The following ADGRB3 variants were observed in gnomAD, a reference collection of about 807,000 sequenced individuals.
ADGRB3 encodes adhesion G protein-coupled receptor B3, also known as brain-specific angiogenesis inhibitor 3.
ADGRB3 carries 37 observed loss-of-function variants against 193.4 expected under a neutral mutation model. That is an observed-to-expected ratio of 0.19 (90% CI 0.15 to 0.25). The LOEUF is 0.25. Among genes scored for constraint, ADGRB3 ranks in the 10% least tolerant of loss-of-function variants. ADGRB3 has a pLI of 1.00. For synonymous variants in ADGRB3, 690 were observed against 644.2 expected (o/e 1.07, Z -1.08); for missense variants, 1,637 against 1,852.9 (o/e 0.88, Z 2.14).
At chr6:69,372,247 T>C (rs1769721213) in intron 29 of ADGRB3, among the ~76,000 whole-genome samples, 159 bp from the exon 30 acceptor site, 1 of 152,046 alleles carries the variant, frequency 6.6e-6, no homozygotes, top group Non-Finnish European at 1.5e-5. Flanking sequence ...ATAAAATTTT[T>C]CATGATTCAT....
In ADGRB3 at chr6:68,636,441, G is replaced by GAGAT. The variant is rs1023666213; in HGVS notation, c.-188+443_-188+446dup. Among the ~76,000 whole-genome samples the GAGAT allele has an allele frequency of 4.5e-4, 45 of 100,874 alleles. No individual in the cohort carries two copies. In the East Asian group the frequency reaches 0.014, roughly 32 times the overall value. The allele number at this position is 100,874 out of a possible 152,430, so 66.2% of individuals were successfully genotyped here. On this transcript the variant is annotated intron_variant, in intron 1 of 31. Coordinates refer to ENST00000370598, the MANE Select transcript of ADGRB3 (RefSeq NM_001704.3). ...TCAATGCTGGTTTGCTTCTCAGCAA[G>GAGAT]AGATAAATAAATAAATAAATAAATA...
rs895916578 is a variant in ADGRB3, at chr6:69,178,081, C to T, written c.2481-55209C>T. On this transcript the variant is annotated intron_variant, in intron 17 of 31. Transcript: ENST00000370598. Reference sequence around the variant, plus strand: ...ATTTTATGGCTGTCTTTTCACAGGTCTAGAAGTACTTGTTTTATGAATCTG... The same window carrying T: ...ATTTTATGGCTGTCTTTTCACAGGTTTAGAAGTACTTGTTTTATGAATCTG... 5.9e-5 allele frequency among the ~76,000 whole-genome samples: 9 copies of T among 152,110 alleles called. No individual in the cohort carries two copies. In the East Asian group the frequency reaches 1.7e-3, roughly 29 times the overall value.
At chr6:69,002,151 C>G (rs1769597178) in intron 11 of ADGRB3, among the ~76,000 whole-genome samples, 1 of 151,484 alleles carries the variant, frequency 6.6e-6, no homozygotes, top group Non-Finnish European at 1.5e-5. Context: ...AACGAATGAT[C>G]AGAGGTAGGT....
chr6:69,383,467 CTT>C (rs1328712179), intron 31 of ADGRB3, among the ~76,000 whole-genome samples: 4 of 151,952 alleles, frequency 2.6e-5, no homozygotes, highest in Non-Finnish European at 5.9e-5. Context: ...TTATTATAAT[CTT>C]AGTACAGGAC....
chr6:69,266,637 T>C (rs1304330509), intron 20 of ADGRB3, among the ~76,000 whole-genome samples: 4 of 152,084 alleles, frequency 2.6e-5, no homozygotes, highest in African/African-American at 9.7e-5. Flanking sequence ...ACTTCACATA[T>C]CTGTATGTGT....
intron 3 of ADGRB3, among the ~76,000 whole-genome samples, chr6:68,821,090 A>G (rs563379044): frequency 6.6e-6 from 1 of 152,140 alleles, no homozygotes; most frequent in Admixed American, 6.6e-5. Context: ...AAACTTCAGA[A>G]AACAAGGATT....
chr6:69,158,325 C>G (rs1774900007), intron 17 of ADGRB3, among the ~76,000 whole-genome samples: 1 of 151,808 alleles, frequency 6.6e-6, no homozygotes, highest in Non-Finnish European at 1.5e-5. Flanking sequence ...CATCTTCCTT[C>G]CCCCATCTCT....
chr6:68,860,995 A>T (rs1358559499), intron 3 of ADGRB3, among the ~76,000 whole-genome samples: 1 of 152,158 alleles, frequency 6.6e-6, no homozygotes. Flanking sequence ...TTTCAGACTC[A>T]TTGCATTTAA....
intron 20 of ADGRB3, among the ~76,000 whole-genome samples, chr6:69,281,265 A>G (rs930405328): frequency 2.0e-5 from 3 of 152,198 alleles, no homozygotes; most frequent in African/African-American, 7.2e-5. Context: ...ACAGGGATAG[A>G]CTATCAGGCT....
intron 13 of ADGRB3, among the ~76,000 whole-genome samples, chr6:69,028,654 T>C (rs1288405382): frequency 6.6e-6 from 1 of 152,178 alleles, no homozygotes; most frequent in Non-Finnish European, 1.5e-5. Context: ...ATTCATGGTG[T>C]CACTATTAAA....
At chr6:69,170,938 A>T (rs955003107) in intron 17 of ADGRB3, among the ~76,000 whole-genome samples, 1 of 152,216 alleles carries the variant, frequency 6.6e-6, no homozygotes, top group Admixed American at 6.5e-5. Context: ...CTGAAATATA[A>T]TGTAAGCTAC....
chr6:69,372,393 AT>A lies in ADGRB3; in HGVS notation c.4240-12del, dbSNP rs1769725836. The A allele has an allele frequency of 2.2e-6, 3 of 1,339,336 alleles. No individual in the cohort carries two copies. Among genetic ancestry groups the A allele is most frequent in the African/African-American group, 3.0e-5 (2 of 66,728 alleles). 83.0% of individuals were successfully genotyped at this position (1,339,336 alleles called of 1,614,324 possible). On this transcript the variant is annotated splice_polypyrimidine_tract_variant and intron_variant, in intron 29 of 31. Coordinates refer to ENST00000370598, the MANE Select transcript of ADGRB3 (RefSeq NM_001704.3). ...TTGGTTTTTCTCCTTCTTTTTAAAA[AT>A]ATATCTTACAGAGAAGAAAATCACG...
chr6:68,694,115 C>G lies in ADGRB3; in HGVS notation c.757+54683C>G, dbSNP rs1028135080. 2.6e-5 allele frequency among the ~76,000 whole-genome samples: 4 copies of G among 151,922 alleles called. No homozygotes were observed. The Admixed American group carries it at 2.6e-4, about 10-fold the overall frequency. ...TCTATACTAATTGACAAATTAGATG[C>G]ATATTAATCACCAGGAACACATGGT... is the stretch of plus-strand genomic sequence containing the variant. On this transcript the variant is annotated intron_variant, in intron 3 of 31. Coordinates refer to ENST00000370598, the MANE Select transcript of ADGRB3 (RefSeq NM_001704.3).
intron 3 of ADGRB3, among the ~76,000 whole-genome samples, chr6:68,677,356 G>A (rs910778614): frequency 6.6e-6 from 1 of 151,970 alleles, no homozygotes; most frequent in African/African-American, 2.4e-5. Context: ...ATTTTAAGTT[G>A]TTTACTTCTT....
chr6:68,993,950 T>C lies in ADGRB3; in HGVS notation c.1917T>C (p.Ser639=), dbSNP rs1047134433. The change falls in exon 11 of 32, where the codon TCT becomes TCC. Residue 639 remains serine, a synonymous_variant. Transcript: ENST00000370598. ...TFKRASYIPA[S]DGVQNFFQIV... ...AAAGGGCAAGTTACATCCCTGCATCTGATGGTGTCCAGGTAAGGGAGACAA... is the reference window on the plus strand; with the variant it reads ...AAAGGGCAAGTTACATCCCTGCATCCGATGGTGTCCAGGTAAGGGAGACAA... 1.2e-6 allele frequency: 2 copies of C among 1,613,420 alleles called. No individual in the cohort carries two copies. The highest frequency in any genetic ancestry group is 1.7e-6 in the Non-Finnish European group (2 of 1,179,602).
intron 3 of ADGRB3, among the ~76,000 whole-genome samples, chr6:68,761,372 G>A (rs1174270944): frequency 6.9e-6 from 1 of 144,352 alleles, no homozygotes; most frequent in Non-Finnish European, 1.5e-5. Context: ...TTTTCAGTTG[G>A]TAACTCCTTG....
At chr6:69,091,944 A>C (rs985658244) in intron 17 of ADGRB3, among the ~76,000 whole-genome samples, 5 of 152,206 alleles carry the variant, frequency 3.3e-5, no homozygotes, top group African/African-American at 1.2e-4. Flanking sequence ...TGTTTGAATG[A>C]GCCATCTGTT....
chr6:68,865,136 A>G (rs1765260021), intron 3 of ADGRB3, among the ~76,000 whole-genome samples: 1 of 152,160 alleles, frequency 6.6e-6, no homozygotes, highest in African/African-American at 2.4e-5. Flanking sequence ...AAATACCAAC[A>G]GAAACCTGAG....
intron 3 of ADGRB3, among the ~76,000 whole-genome samples, chr6:68,818,566 A>G (rs189253912): frequency 2.8e-3 from 425 of 152,176 alleles, no homozygotes; most frequent in Non-Finnish European, 4.8e-3. Context: ...GAAAGGGGGA[A>G]AAAAGGTGCT....
Sources: allele counts gnomAD v4.1 joint callset (sites outside exome capture counted in the v4.1 genomes callset), GRCh38; gene constraint gnomAD v4.1.1; transcripts MANE v1.5; gene names NCBI Gene and HGNC (gene_info 2026-07-23, HGNC 2026-07-21).